PAM: variants seen among roughly 807,000 people sequenced by gnomAD.
PAM encodes the protein peptidyl-glycine alpha-amidating monooxygenase.
A neutral mutation model predicts 122.1 loss-of-function variants in PAM; 72 were observed. The ratio of observed to expected loss-of-function variants is 0.59; its 90% CI spans 0.49 to 0.72. PAM has a LOEUF of 0.72. PAM is among the 30% of genes least tolerant of loss of function. The pLI is 0.00. For missense variants in PAM, 1,106 were observed against 1,183.7 expected (o/e 0.93, Z 0.96); for synonymous variants, 389 against 404.4 (o/e 0.96, Z 0.46).
chr5:102,866,289 G>A lies in PAM; in HGVS notation c.89+5G>A. ...CCCACTTTCTGTCTTTAAGAGGTGG[G>A]TGTTCGTTGTTCGGGTGCTTTCTGT... is the stretch of plus-strand genomic sequence containing the variant. On this transcript the variant is annotated splice_donor_5th_base_variant and intron_variant, in intron 2 of 25. Coordinates refer to ENST00000438793, the MANE Select transcript of PAM (RefSeq NM_001177306.2). The A allele has an allele frequency of 6.3e-7, 1 of 1,590,000 alleles. No individual in the cohort carries two copies. The highest frequency in any genetic ancestry group is 2.2e-5 in the East Asian group (1 of 44,756).
At chr5:102,879,320 A>G (rs1345325806) in intron 3 of PAM, among the ~76,000 whole-genome samples, 1 of 152,322 alleles carries the variant, frequency 6.6e-6, no homozygotes, top group East Asian at 1.9e-4. Context: ...AGGCCTTCAC[A>G]TTCACTCACC....
intron 3 of PAM, among the ~76,000 whole-genome samples, chr5:102,892,009 C>T (rs1231762726): frequency 6.6e-6 from 1 of 151,808 alleles, no homozygotes; most frequent in East Asian, 1.9e-4. Flanking sequence ...TAAGCCAATT[C>T]TGGTCATTCC....
intron 21 of PAM, among the ~76,000 whole-genome samples, chr5:103,014,658 T>C (rs1781502312): frequency 6.6e-6 from 1 of 152,196 alleles, no homozygotes; most frequent in South Asian, 2.1e-4. Context: ...CCACTCCTTA[T>C]CTCCTCTTAC....
At chr5:102,996,848 T>C (rs1447841760) in intron 16 of PAM, among the ~76,000 whole-genome samples, 1 of 152,208 alleles carries the variant, frequency 6.6e-6, no homozygotes, top group Non-Finnish European at 1.5e-5. Flanking sequence ...ATTTACATTA[T>C]GGAAGTAAAT....
Position 102,961,108 on chromosome 5 carries a change from T to C in PAM, c.1091-50T>C, listed in dbSNP as rs1233791920. 6 of 884,718 alleles carry C rather than the reference T, an allele frequency of 6.8e-6. No individual in the cohort carries two copies. In the East Asian group the frequency reaches 1.5e-4, roughly 22 times the overall value. 54.8% of individuals were successfully genotyped at this position (884,718 alleles called of 1,614,324 possible). ...ACTATTTCCAATAAACTATTTTAAG[T>C]ATGTAATACATACTGCAAATTTATG... On this transcript the variant is annotated intron_variant, in intron 13 of 25. Transcript: ENST00000438793.
intron 1 of PAM, among the ~76,000 whole-genome samples, chr5:102,794,192 T>A (rs1286735356): frequency 1.3e-5 from 2 of 152,230 alleles, no homozygotes; most frequent in Non-Finnish European, 2.9e-5. Context: ...TCTTGGGAGT[T>A]CAGCATAATG....
At chr5:102,998,042 T>C (rs923067017) in intron 16 of PAM, among the ~76,000 whole-genome samples, 3 of 152,168 alleles carry the variant, frequency 2.0e-5, no homozygotes, top group Non-Finnish European at 4.4e-5. Context: ...TAACCTATAG[T>C]TTACACTTTG....
At chr5:102,883,859 TG>T in intron 3 of PAM, among the ~76,000 whole-genome samples, 1 of 152,058 alleles carries the variant, frequency 6.6e-6, no homozygotes, top group Non-Finnish European at 1.5e-5. Flanking sequence ...TTGTCATAAA[TG>T]GCTTTTATTA....
chr5:102,769,607 A>G (rs1035684976), intron 1 of PAM, among the ~76,000 whole-genome samples: 4 of 151,960 alleles, frequency 2.6e-5, no homozygotes, highest in South Asian at 4.1e-4. Context: ...TATTAAAGAG[A>G]CTGTCCTTTC....
At chr5:102,942,055 A>T (rs1581962130) in intron 7 of PAM, among the ~76,000 whole-genome samples, 1 of 151,946 alleles carries the variant, frequency 6.6e-6, no homozygotes, top group African/African-American at 2.4e-5. Context: ...GCACAGCCCA[A>T]CTGTATAGAA....
At chr5:102,999,905 T>C (rs1254430082) in intron 16 of PAM, among the ~76,000 whole-genome samples, 5 of 152,228 alleles carry the variant, frequency 3.3e-5, no homozygotes, top group Admixed American at 1.3e-4. Flanking sequence ...TGAAGACCTC[T>C]CATATGCCCT....
intron 7 of PAM, among the ~76,000 whole-genome samples, chr5:102,931,310 A>G (rs1209807959): frequency 6.6e-6 from 1 of 152,194 alleles, no homozygotes; most frequent in African/African-American, 2.4e-5. Flanking sequence ...CGTGTTCTCC[A>G]CAGCAGTTTT....
intron 7 of PAM, among the ~76,000 whole-genome samples, chr5:102,935,804 A>G (rs1753051778): frequency 6.6e-6 from 1 of 152,186 alleles, no homozygotes; most frequent in Non-Finnish European, 1.5e-5. Context: ...TATAGTCTAG[A>G]TCAGGATTTC....
chr5:102,797,849 T>A (rs1763764747), intron 1 of PAM, among the ~76,000 whole-genome samples: 1 of 152,184 alleles, frequency 6.6e-6, no homozygotes, highest in Non-Finnish European at 1.5e-5. Flanking sequence ...TTCCTACTAC[T>A]ACTACTACTA....
chr5:102,990,408 A>G lies in PAM; in HGVS notation c.1613+7A>G. 6.4e-7 allele frequency: 1 copy of G among 1,568,036 alleles called. No individual in the cohort carries two copies. The highest frequency in any genetic ancestry group is 1.4e-5 in the African/African-American group (1 of 73,604). On this transcript the variant is annotated splice_region_variant and intron_variant, in intron 16 of 25. Coordinates refer to ENST00000438793, the MANE Select transcript of PAM (RefSeq NM_001177306.2). ...ACCATGTCTGGGATGGAAAGTAAGT[A>G]ATATTTTTTCTTCAATAAGCAAATG... is the stretch of plus-strand genomic sequence containing the variant.
intron 21 of PAM, among the ~76,000 whole-genome samples, chr5:103,014,762 G>A (rs1011532657): frequency 4.6e-5 from 7 of 152,112 alleles, no homozygotes; most frequent in East Asian, 1.9e-4. Context: ...GGGAAGCTTA[G>A]ACAGTAGGAC....
intron 8 of PAM, 63 bp from the exon 9 acceptor site, chr5:102,948,315 T>A (rs1051814446): frequency 9.7e-6 from 9 of 926,374 alleles, no homozygotes; most frequent in Non-Finnish European, 1.4e-5. Context: ...TATATGCTGT[T>A]TTTCCAAAAC....
At chr5:102,929,596 C>G (rs1750739385) in intron 7 of PAM, among the ~76,000 whole-genome samples, 1 of 152,052 alleles carries the variant, frequency 6.6e-6, no homozygotes, top group Non-Finnish European at 1.5e-5. Flanking sequence ...AAATGTTTGG[C>G]TTAAGGGTAT....
chr5:103,001,508 T>C (rs1777371629), intron 16 of PAM, among the ~76,000 whole-genome samples: 2 of 152,138 alleles, frequency 1.3e-5, no homozygotes, highest in South Asian at 4.1e-4. Context: ...CTGCATATAA[T>C]AGCATATATA....
Sources: gnomAD v4.1 joint callset for allele counts (sites outside exome capture counted in the v4.1 genomes callset) on GRCh38, gnomAD v4.1.1 for gene constraint, MANE v1.5 for transcripts, NCBI Gene and HGNC (gene_info 2026-07-23, HGNC 2026-07-21) for gene names.